The following GPR158 variants were observed in gnomAD, a reference collection of about 807,000 sequenced individuals.
GPR158 encodes metabotropic glycine receptor.
A neutral mutation model predicts 78.2 loss-of-function variants in GPR158; 30 were observed. That is an observed-to-expected ratio of 0.38 (90% CI 0.29 to 0.52). GPR158 has a LOEUF of 0.52. GPR158 is among the 20% of genes least tolerant of loss of function. The pLI is 0.83. For synonymous variants in GPR158, 581 were observed against 591.1 expected, an observed-to-expected ratio of 0.98 and a Z score of 0.25; for missense variants, 1,463 against 1,523.5, an observed-to-expected ratio of 0.96 and a Z score of 0.66.
intron 1 of GPR158, among the ~76,000 whole-genome samples, chr10:25,214,132 C>A (rs1340599279): frequency 5.3e-5 from 8 of 151,914 alleles, no homozygotes; most frequent in Non-Finnish European, 8.8e-5. Flanking sequence ...GTAGCTGGGA[C>A]TACAGGCGCC....
At chr10:25,385,723 AT>A (rs758716646) in intron 2 of GPR158, among the ~76,000 whole-genome samples, 2 of 152,068 alleles carry the variant, frequency 1.3e-5, no homozygotes, top group Non-Finnish European at 2.9e-5. Context: ...GTATTTAGTG[AT>A]GTTTAACATC....
chr10:25,563,181 CAT>C (rs1249925585), intron 6 of GPR158, among the ~76,000 whole-genome samples: 2 of 152,016 alleles, frequency 1.3e-5, no homozygotes, highest in African/African-American at 2.4e-5. Flanking sequence ...TTATAGAAAA[CAT>C]ATAGTTGGAT....
At chr10:25,184,778 T>G (rs974903414) in intron 1 of GPR158, among the ~76,000 whole-genome samples, 1 of 152,242 alleles carries the variant, frequency 6.6e-6, no homozygotes, top group African/African-American at 2.4e-5. Context: ...AAGTTACTTC[T>G]TATGTAGCAA....
chr10:25,241,370 TTC>T lies in GPR158; in HGVS notation c.1008+20219_1008+20220del, dbSNP rs1415307262. On this transcript the variant is annotated intron_variant, in intron 2 of 10. Coordinates refer to ENST00000376351, the MANE Select transcript of GPR158 (RefSeq NM_020752.3). Reference sequence around the variant, plus strand: ...TTTCTCTTTTCTTTTCTCTTTTCTTTTCTCTCTTCTCTTCTCTTCTCTTCTCT... The same window carrying T: ...TTTCTCTTTTCTTTTCTCTTTTCTTTTCTCTTCTCTTCTCTTCTCTTCTCT... 6.8e-3 allele frequency among the ~76,000 whole-genome samples: 737 copies of T among 107,774 alleles called. 6 individuals are homozygous for T. Among genetic ancestry groups the T allele is most frequent in the Non-Finnish European group, 8.3e-3 (457 of 55,056 alleles). 70.7% of individuals were successfully genotyped at this position (107,774 alleles called of 152,430 possible).
intron 5 of GPR158, among the ~76,000 whole-genome samples, chr10:25,526,301 G>T (rs986778662): frequency 6.6e-6 from 1 of 152,106 alleles, no homozygotes; most frequent in South Asian, 2.1e-4. Context: ...AACTGCACTA[G>T]GTAGGGGGCT....
intron 2 of GPR158, among the ~76,000 whole-genome samples, chr10:25,243,675 TTG>T (rs1853654416): frequency 6.6e-6 from 1 of 152,232 alleles, no homozygotes; most frequent in Non-Finnish European, 1.5e-5. Context: ...TTTTATTTAA[TTG>T]TGTCTCCAAT....
chr10:25,476,600 C>G (rs966641336), intron 5 of GPR158, among the ~76,000 whole-genome samples: 2 of 152,072 alleles, frequency 1.3e-5, no homozygotes, highest in Non-Finnish European at 2.9e-5. Context: ...TTTGTAAATG[C>G]AAGAAGAGAG....
At chr10:25,328,794 G>T (rs1855072628) in intron 2 of GPR158, among the ~76,000 whole-genome samples, 1 of 151,836 alleles carries the variant, frequency 6.6e-6, no homozygotes, top group South Asian at 2.1e-4. Context: ...AGGCATCATG[G>T]CGGACACCTG....
At chr10:25,464,188 A>G (rs908708132) in intron 4 of GPR158, among the ~76,000 whole-genome samples, 1 of 152,226 alleles carries the variant, frequency 6.6e-6, no homozygotes, top group African/African-American at 2.4e-5. Flanking sequence ...GAGACAGATT[A>G]TCTGCTCTGA....
chr10:25,251,343 T>G (rs1264553799), intron 2 of GPR158, among the ~76,000 whole-genome samples: 1 of 151,590 alleles, frequency 6.6e-6, no homozygotes, highest in African/African-American at 2.4e-5. Context: ...TGTGTGAATG[T>G]GATCCTGTCA....
At chr10:25,241,663 C>T (rs1050304282) in intron 2 of GPR158, among the ~76,000 whole-genome samples, 1 of 152,090 alleles carries the variant, frequency 6.6e-6, no homozygotes, top group Non-Finnish European at 1.5e-5. Flanking sequence ...CTCAGGTGAT[C>T]CCCCCACCTT....
chr10:25,478,493 C>CTTGTGTGTGG (rs1051229392), intron 5 of GPR158, among the ~76,000 whole-genome samples: 1 of 145,092 alleles, frequency 6.9e-6, no homozygotes, highest in African/African-American at 2.5e-5. Context: ...ATATATAATG[C>CTTGTGTGTGG]GTGTGTGTGT....
At chr10:25,321,069 A>G (rs1432372514) in intron 2 of GPR158, among the ~76,000 whole-genome samples, 1 of 152,212 alleles carries the variant, frequency 6.6e-6, no homozygotes, top group Non-Finnish European at 1.5e-5. Context: ...TCTTGGCACT[A>G]ATGAACTGTT....
chr10:25,448,061 T>A (rs2130597321), intron 4 of GPR158, among the ~76,000 whole-genome samples: 1 of 151,314 alleles, frequency 6.6e-6, no homozygotes, highest in South Asian at 2.1e-4. Context: ...ATGCAGGGGA[T>A]GTTGTCTTTT....
chr10:25,377,905 C>A (rs892664589), intron 2 of GPR158, among the ~76,000 whole-genome samples: 3 of 152,084 alleles, frequency 2.0e-5, no homozygotes, highest in Non-Finnish European at 4.4e-5. Flanking sequence ...GGAGGGGAAT[C>A]TGGATCACAT....
At position 25,175,687 on chromosome 10, in the gene GPR158, G is replaced by T. The variant is rs557423753; in HGVS notation, c.267G>T (p.Gly89=). ...PMDVASYLYT[G]DSHQLKRANC... Reference sequence around the variant, plus strand: ...ACGTGGCCTCTTACCTCTACACCGGGGACTCCCACCAGCTGAAGCGAGCCA... The same window carrying T: ...ACGTGGCCTCTTACCTCTACACCGGTGACTCCCACCAGCTGAAGCGAGCCA... The change falls in exon 1 of 11, where the codon GGG becomes GGT. Residue 89 remains glycine, a synonymous_variant. Transcript: ENST00000376351. This position sits in a 1 kb window ranked among gnomAD's most constrained non-coding sequence, Gnocchi z 6.4. 9.9e-5 allele frequency: 159 copies of T among 1,611,708 alleles called. 2 individuals are homozygous for T. In the South Asian group the frequency reaches 1.6e-3, roughly 16 times the overall value.
At chr10:25,400,592 G>T (rs1007418079) in intron 3 of GPR158, among the ~76,000 whole-genome samples, 7 of 152,140 alleles carry the variant, frequency 4.6e-5, no homozygotes, top group Non-Finnish European at 7.3e-5. Flanking sequence ...ATAGTAGCAG[G>T]ATTTCAGAAT....
chr10:25,382,422 A>C (rs1834167726), intron 2 of GPR158, among the ~76,000 whole-genome samples: 1 of 88,814 alleles, frequency 1.1e-5, no homozygotes, highest in Non-Finnish European at 3.4e-5. Context: ...AATAATAGAA[A>C]AGTTTCTTTT....
chr10:25,184,916 C>T (rs1026170129), intron 1 of GPR158, among the ~76,000 whole-genome samples: 5 of 152,176 alleles, frequency 3.3e-5, no homozygotes, highest in African/African-American at 1.2e-4. Context: ...CCTCAGACCG[C>T]TATGCTGAAC....
Sources: allele counts gnomAD v4.1 joint callset (sites outside exome capture counted in the v4.1 genomes callset), GRCh38; gene constraint gnomAD v4.1.1; non-coding constraint Gnocchi (gnomAD v3.1); transcripts MANE v1.5; gene names NCBI Gene and HGNC (gene_info 2026-07-23, HGNC 2026-07-21).